Variants in ACVR1 observed in about 807,000 individuals in gnomAD.
The protein encoded by ACVR1 is activin receptor type-1.
In ACVR1, 38 loss-of-function variants were observed where a neutral mutation model predicts 57.1. The observed-to-expected ratio is 0.67, with a 90% CI of 0.51 to 0.87. The LOEUF (loss-of-function observed/expected upper bound fraction) is 0.87, where lower values mean the gene tolerates loss of function less well. Ranked by LOEUF, ACVR1 falls within the 40% of genes least tolerant of loss-of-function variation. ACVR1 has a pLI of 0.00. For synonymous variants in ACVR1, 212 were observed against 228.1 expected (o/e 0.93, Z 0.63); for missense variants, 463 against 638.2 (o/e 0.73, Z 2.96).
At position 157,766,083 on chromosome 2, in the gene ACVR1, T is replaced by C; in HGVS notation, c.904A>G (p.Thr302Ala). The C allele has an allele frequency of 1.2e-6, 2 of 1,614,148 alleles. No individual in the cohort carries two copies. Among genetic ancestry groups the C allele is most frequent in the Non-Finnish European group, 1.7e-6 (2 of 1,179,992 alleles). ...AGCACTATTCGAAGGCAGCTAACTG[T>C]ATCCAGAGTAGTAAGCTGAAGATAG... ...YDYLQLTTLD[T>A]VSCLRIVLSI... Residue 302 changes from threonine (T) to alanine (A), a missense_variant, in exon 8 of 11, where the codon ACA becomes GCA. By Grantham distance (58) the Thr-to-Ala change is moderately conservative. Coordinates refer to ENST00000434821, the MANE Select transcript of ACVR1 (RefSeq NM_001111067.4).
At chr2:157,776,156 T>C (rs1686279290) in intron 5 of ACVR1, among the ~76,000 whole-genome samples, 1 of 152,248 alleles carries the variant, frequency 6.6e-6, no homozygotes, top group South Asian at 2.1e-4. Context: ...TGTTCTTTAC[T>C]GTGTTATTAT....
At chr2:157,787,426 T>C (rs1686753157) in intron 3 of ACVR1, among the ~76,000 whole-genome samples, 1 of 152,196 alleles carries the variant, frequency 6.6e-6, no homozygotes, top group African/African-American at 2.4e-5. Context: ...TGAGGAATAC[T>C]TTAAAAACCA....
At chr2:157,861,888 T>A (rs1689730060) in intron 1 of ACVR1, among the ~76,000 whole-genome samples, 1 of 152,172 alleles carries the variant, frequency 6.6e-6, no homozygotes, top group Non-Finnish European at 1.5e-5. Context: ...AAAATGCAAC[T>A]CTTAGATCAT....
intron 2 of ACVR1, among the ~76,000 whole-genome samples, chr2:157,810,637 T>C (rs1295959051): frequency 2.0e-5 from 3 of 152,212 alleles, no homozygotes; most frequent in Admixed American, 1.3e-4. Context: ...AGCACATGTG[T>C]AGCCAAACTA....
chr2:157,832,177 C>G (rs553824863), intron 1 of ACVR1, among the ~76,000 whole-genome samples: 1 of 152,308 alleles, frequency 6.6e-6, no homozygotes, highest in Admixed American at 6.5e-5. Context: ...ACATTACTCT[C>G]TGCCTGTGTC....
chr2:157,800,064 A>G (rs1250275191), intron 2 of ACVR1, among the ~76,000 whole-genome samples: 2 of 152,242 alleles, frequency 1.3e-5, no homozygotes, highest in East Asian at 3.8e-4. Flanking sequence ...TCTAAGGCAA[A>G]GCAATGCATT....
chr2:157,806,772 A>G (rs892438741), intron 2 of ACVR1: 3 of 152,230 alleles, frequency 2.0e-5, no homozygotes, highest in African/African-American at 7.2e-5. Context: ...CTACGGTTCA[A>G]AAATGACCTG....
chr2:157,858,594 C>T (rs954499831), intron 1 of ACVR1, among the ~76,000 whole-genome samples: 1 of 152,172 alleles, frequency 6.6e-6, no homozygotes, highest in African/African-American at 2.4e-5. Context: ...GCCTCGGCCT[C>T]CCAACTAGCT....
intron 1 of ACVR1, among the ~76,000 whole-genome samples, chr2:157,864,050 C>T (rs1167198625): frequency 6.6e-5 from 10 of 150,882 alleles, no homozygotes; most frequent in South Asian, 2.1e-4. Flanking sequence ...TAAATAGAGA[C>T]GGGGTTTCAC....
chr2:157,742,114 G>A lies in ACVR1; in HGVS notation c.1265-3544C>T, dbSNP rs559868664. ...GGGACAGGAGGTGAGGCCAGACTGC[G>A]AGGTGACACCTGCTGTCAAGGTAGG... On this transcript the variant is annotated intron_variant, in intron 9 of 10. Transcript: ENST00000434821. Among the ~76,000 whole-genome samples, 8 of 152,242 alleles carry A rather than the reference G, an allele frequency of 5.3e-5. No homozygotes were observed. The South Asian group carries it at 8.3e-4, about 16-fold the overall frequency.
intron 3 of ACVR1, among the ~76,000 whole-genome samples, chr2:157,791,837 T>C (rs1442475190): frequency 6.6e-6 from 1 of 152,210 alleles, no homozygotes; most frequent in East Asian, 1.9e-4. Context: ...ATTTGAAGCA[T>C]ATGAACTGGG....
chr2:157,779,480 T>A (rs1385031459), intron 4 of ACVR1, among the ~76,000 whole-genome samples: 1 of 152,230 alleles, frequency 6.6e-6, no homozygotes, highest in African/African-American at 2.4e-5. Context: ...AACATGATCT[T>A]GCATCAGCTT....
At chr2:157,741,986 G>A (rs1390855082) in intron 9 of ACVR1, among the ~76,000 whole-genome samples, 1 of 152,126 alleles carries the variant, frequency 6.6e-6, no homozygotes, top group Non-Finnish European at 1.5e-5. Flanking sequence ...ATGGGGCAAG[G>A]ACAGGAACTG....
chr2:157,838,579 A>C (rs1688871417), intron 1 of ACVR1, among the ~76,000 whole-genome samples: 1 of 152,156 alleles, frequency 6.6e-6, no homozygotes, highest in Admixed American at 6.5e-5. Context: ...CCCAGAAAAT[A>C]TGTCCTTCTG....
chr2:157,868,758 T>G (rs1690024669), intron 1 of ACVR1, among the ~76,000 whole-genome samples: 1 of 152,186 alleles, frequency 6.6e-6, no homozygotes, highest in South Asian at 2.1e-4. Flanking sequence ...TGTATAATTA[T>G]TCACTCCCTT....
chr2:157,810,815 A>T (rs982459433), intron 2 of ACVR1, among the ~76,000 whole-genome samples: 2 of 152,118 alleles, frequency 1.3e-5, no homozygotes, highest in Admixed American at 6.5e-5. Context: ...CAGCAACTAC[A>T]CAGGCTTCCT....
intron 8 of ACVR1, among the ~76,000 whole-genome samples, chr2:157,762,776 A>G (rs772903879): frequency 1.1e-4 from 17 of 152,192 alleles, no homozygotes; most frequent in Non-Finnish European, 2.9e-5. Context: ...TCAGCTCACC[A>G]TGCACCATGT....
intron 2 of ACVR1, among the ~76,000 whole-genome samples, chr2:157,804,740 C>G (rs921077500): frequency 1.3e-5 from 2 of 152,204 alleles, no homozygotes; most frequent in African/African-American, 4.8e-5. Context: ...AATACTGTTT[C>G]TTACAATGTC....
chr2:157,789,457 G>A (rs1470211291), intron 3 of ACVR1, among the ~76,000 whole-genome samples: 1 of 152,172 alleles, frequency 6.6e-6, no homozygotes, highest in Non-Finnish European at 1.5e-5. Flanking sequence ...GATTCCCTCT[G>A]GCTCCTGTAG....
Sources: allele counts gnomAD v4.1 joint callset (sites outside exome capture counted in the v4.1 genomes callset), GRCh38; gene constraint gnomAD v4.1.1; transcripts MANE v1.5; gene names NCBI Gene and HGNC (gene_info 2026-07-23, HGNC 2026-07-21).